Variants in HYLS1 observed in about 807,000 individuals in gnomAD.
HYLS1 encodes HYLS1 centriolar and ciliogenesis associated.
In HYLS1, 25 loss-of-function variants were observed where a neutral mutation model predicts 29.4. The observed-to-expected ratio is 0.85, with a 90% confidence interval of 0.62 to 1.19. HYLS1 has a LOEUF of 1.19. HYLS1 is among the 50% of genes most tolerant of loss of function. The pLI is 0.00. For missense variants in HYLS1, 352 were observed against 365.1 expected, an observed-to-expected ratio of 0.96 and a Z score of 0.29; for synonymous variants, 128 against 126.7, an observed-to-expected ratio of 1.01 and a Z score of -0.07.
intron 2 of HYLS1, chr11:125,893,829 T>A: frequency 6.2e-7 from 1 of 1,614,038 alleles, no homozygotes; most frequent in Non-Finnish European, 8.5e-7. Flanking sequence ...ACCCTCTTCG[T>A]TGGTGTCTCC....
intron 2 of HYLS1, chr11:125,895,777 C>G: frequency 1.3e-6 from 2 of 1,599,006 alleles, no homozygotes; most frequent in Non-Finnish European, 1.7e-6. Context: ...GAGCGAAGGT[C>G]AAGTGAGATC....
At chr11:125,899,041 G>A in intron 2 of HYLS1, 1 of 287,826 alleles carries the variant, frequency 3.5e-6, no homozygotes, top group Admixed American at 4.6e-5. Flanking sequence ...GCATTAAGCA[G>A]TATGCCCCAT....
chr11:125,886,165 TAAAG>T (rs1944301233), upstream of HYLS1, among the ~76,000 whole-genome samples: 1 of 152,190 alleles, frequency 6.6e-6, no homozygotes, highest in African/African-American at 2.4e-5. Flanking sequence ...ACCGCTGCAC[TAAAG>T]GAGTGTTATG....
At position 125,900,124 on chromosome 11, in the gene HYLS1, A is replaced by T. The variant is rs1944720353; in HGVS notation, c.756A>T (p.Gln252His). 6.2e-7 allele frequency: 1 copy of T among 1,614,212 alleles called. No homozygotes were observed. Among genetic ancestry groups the T allele is most frequent in the Non-Finnish European group, 8.5e-7 (1 of 1,180,042 alleles). Reference sequence around the variant, plus strand: ...AGATGCTTTGTCGAGCAGAACCCCAATCCAAACCTCAGCATATATATGTCC... The same window carrying T: ...AGATGCTTTGTCGAGCAGAACCCCATTCCAAACCTCAGCATATATATGTCC... ...REQMLCRAEP[Q>H]SKPQHIYVPN... is the part of the protein sequence containing the mutation. Residue 252 changes from glutamine (Q) to histidine (H), a missense_variant, in exon 3 of 3, where the codon CAA becomes CAT. Gln to His is a conservative substitution (Grantham distance 24). Coordinates refer to ENST00000425380, the MANE Select transcript of HYLS1 (RefSeq NM_001134793.2).
At chr11:125,886,669 G>A (rs1195414984), upstream of HYLS1, among the ~76,000 whole-genome samples, 1 of 149,570 alleles carries the variant, frequency 6.7e-6, no homozygotes, top group Non-Finnish European at 1.5e-5. Flanking sequence ...GGGCACAGAG[G>A]CTCACAACTG....
At chr11:125,884,875 A>G (rs1490549110), upstream of HYLS1, among the ~76,000 whole-genome samples, 1 of 152,146 alleles carries the variant, frequency 6.6e-6, no homozygotes, top group African/African-American at 2.4e-5. Flanking sequence ...TTAAGATGAG[A>G]TTTGGTTTGC....
chr11:125,895,874 G>T (rs930179969), intron 2 of HYLS1: 2 of 1,600,018 alleles, frequency 1.2e-6, no homozygotes, highest in Non-Finnish European at 1.7e-6. Context: ...TCCTAGTATT[G>T]CTTGCTTTGA....
chr11:125,892,798 C>A (rs1591496461), intron 2 of HYLS1, among the ~76,000 whole-genome samples: 1 of 152,188 alleles, frequency 6.6e-6, no homozygotes, highest in Non-Finnish European at 1.5e-5. Context: ...TTTTGCCACA[C>A]AATTCTATCG....
At chr11:125,896,327 C>A in intron 2 of HYLS1, 2 of 1,534,174 alleles carry the variant, frequency 1.3e-6, no homozygotes, top group South Asian at 1.2e-5. Context: ...CAGGTCTGCC[C>A]TGTCTGAAAA....
At chr11:125,895,277 C>A (rs1366134990) in intron 2 of HYLS1, 1 of 1,611,420 alleles carries the variant, frequency 6.2e-7, no homozygotes. Context: ...CATCAATAAT[C>A]TCTGGCTTCT....
chr11:125,895,998 G>T, intron 2 of HYLS1: 5 of 1,614,158 alleles, frequency 3.1e-6, no homozygotes, highest in Non-Finnish European at 4.2e-6. Context: ...CTTGGTTAGA[G>T]CTTCAAACAG....
intron 2 of HYLS1, chr11:125,896,033 G>C (rs901058809): frequency 3.1e-6 from 5 of 1,614,074 alleles, no homozygotes; most frequent in Non-Finnish European, 2.5e-6. Context: ...TATTATTTGT[G>C]TTTTCCTGAC....
chr11:125,897,068 G>A (rs1944611891), intron 2 of HYLS1, among the ~76,000 whole-genome samples: 1 of 152,148 alleles, frequency 6.6e-6, no homozygotes, highest in Admixed American at 6.5e-5. Context: ...AGAAATTCCT[G>A]TAATATTTCA....
At position 125,897,903 on chromosome 11, in the gene HYLS1, T is replaced by C. The variant is rs1488119453; in HGVS notation, c.-25-1441T>C. Among the ~76,000 whole-genome samples, 3 of 152,164 alleles carry C rather than the reference T, an allele frequency of 2.0e-5. No homozygotes were observed. The East Asian group carries it at 5.8e-4, about 29-fold the overall frequency. ...AAATAGATAAAAACTTGCAAGATAC[T>C]CGTGTTAGCATCAGTAAACCTATAA... On this transcript the variant is annotated intron_variant, in intron 2 of 2. Coordinates refer to ENST00000425380, the MANE Select transcript of HYLS1 (RefSeq NM_001134793.2).
intron 1 of HYLS1, among the ~76,000 whole-genome samples, chr11:125,890,188 C>T (rs1408606256): frequency 2.0e-5 from 3 of 152,118 alleles, no homozygotes; most frequent in Admixed American, 2.0e-4. Flanking sequence ...TCAAGCGATC[C>T]TCCCACCTCA....
Position 125,899,591 on chromosome 11 carries a change from A to G in HYLS1, c.223A>G (p.Ser75Gly), listed in dbSNP as rs375884986. 6 of 1,614,202 alleles carry G rather than the reference A, an allele frequency of 3.7e-6. No homozygotes were observed. Among genetic ancestry groups the G allele is most frequent in the Non-Finnish European group, 4.2e-6 (5 of 1,180,032 alleles). Residue 75 changes from serine to glycine, a missense_variant, in exon 3 of 3, where the codon AGT becomes GGT. By Grantham distance (56) the Ser-to-Gly change is moderately conservative (BLOSUM62 0). Coordinates refer to ENST00000425380, the MANE Select transcript of HYLS1 (RefSeq NM_001134793.2). ...PVQLQYPHVE[S>G]NVPSETVSEA... is the part of the protein sequence containing the mutation. ...GCAACTACAGTACCCACATGTAGAAAGTAATGTCCCTTCAGAAACAGTCTC... is the reference window on the plus strand; with the variant it reads ...GCAACTACAGTACCCACATGTAGAAGGTAATGTCCCTTCAGAAACAGTCTC...
chr11:125,892,872 C>T (rs1944451643), intron 2 of HYLS1, among the ~76,000 whole-genome samples: 1 of 152,186 alleles, frequency 6.6e-6, no homozygotes, highest in African/African-American at 2.4e-5. Flanking sequence ...CTTTGCTCTA[C>T]AAATGTGACC....
chr11:125,894,363 G>A, intron 2 of HYLS1: 1 of 1,247,374 alleles, frequency 8.0e-7, no homozygotes, highest in Non-Finnish European at 1.1e-6. Context: ...AGGGTTAGTT[G>A]CGTTAAGGGA....
intron 2 of HYLS1, chr11:125,893,844 T>C: frequency 2.5e-6 from 4 of 1,614,068 alleles, no homozygotes; most frequent in Non-Finnish European, 3.4e-6. Flanking sequence ...GTCTCCAAAT[T>C]AGTATTCTCT....
Sources: gnomAD v4.1 joint callset for allele counts (sites outside exome capture counted in the v4.1 genomes callset) on GRCh38, gnomAD v4.1.1 for gene constraint, MANE v1.5 for transcripts, NCBI Gene and HGNC (gene_info 2026-07-23, HGNC 2026-07-21) for gene names.